Variants in ATXN7L1 observed in about 807,000 individuals in gnomAD.
ATXN7L1 encodes the protein ataxin 7 like 1, also known as ataxin-7-like protein 1.
A neutral mutation model predicts 70.8 loss-of-function variants in ATXN7L1; 15 were observed. That is an observed-to-expected ratio of 0.21 (90% CI 0.14 to 0.33). The LOEUF is 0.33. ATXN7L1 is among the 10% of genes least tolerant of loss of function. The probability of loss-of-function intolerance (pLI) is 1.00; values close to 1 mark genes in which losing one functional copy is unlikely to be tolerated. For synonymous variants in ATXN7L1, 440 were observed against 445.1 expected (o/e 0.99, Z 0.14); for missense variants, 975 against 1,097.1 (o/e 0.89, Z 1.57).
chr7:105,830,674 C>A (rs1811478148), intron 2 of ATXN7L1, among the ~76,000 whole-genome samples: 1 of 152,242 alleles, frequency 6.6e-6, no homozygotes, highest in Non-Finnish European at 1.5e-5. Context: ...ACCCATAAAT[C>A]AACAAATCTC....
In ATXN7L1 at chr7:105,607,678, CT is replaced by C. The variant is rs1792816813; in HGVS notation, c.*173del. The C allele has an allele frequency of 2.4e-5, 14 of 592,058 alleles. No individual in the cohort carries two copies. Among genetic ancestry groups the C allele is most frequent in the Non-Finnish European group, 3.0e-5 (10 of 329,720 alleles). 36.7% of individuals were successfully genotyped at this position (592,058 alleles called of 1,614,324 possible). A position where few individuals can be genotyped will look rare whatever the true frequency, so the allele number is the denominator to read the frequency against. The stretch of plus-strand genomic sequence containing the variant: ...AAATCTCAAATTCACCTTCTTTTGC[CT>C]TTTTAACTAAAAATTGGTCAATTAA... On this transcript the variant is annotated 3_prime_UTR_variant, in exon 12 of 12. Coordinates refer to ENST00000419735, the MANE Select transcript of ATXN7L1 (RefSeq NM_020725.2).
intron 2 of ATXN7L1, among the ~76,000 whole-genome samples, chr7:105,829,358 A>G (rs1811289942): frequency 1.3e-5 from 2 of 152,176 alleles, no homozygotes; most frequent in South Asian, 4.1e-4. Context: ...CAGGAGAATC[A>G]CTTGAACCTG....
Position 105,836,382 on chromosome 7 carries a change from GAA to G in ATXN7L1, c.250+39428_250+39429del, listed in dbSNP as rs140974043. Among the ~76,000 whole-genome samples the G allele has an allele frequency of 0.011, 1,676 of 152,286 alleles. 70 individuals carry two copies. The East Asian group carries it at 0.13, about 12-fold the overall frequency. Reference sequence around the variant, plus strand: ...AACAACCAAAATGACCCAAAGATCAGAAAAACAACCGAACAAATGAGACGAAT... The same window carrying G: ...AACAACCAAAATGACCCAAAGATCAGAAACAACCGAACAAATGAGACGAAT... On this transcript the variant is annotated intron_variant, in intron 2 of 11. Transcript: ENST00000419735.
chr7:105,787,061 T>TACTACC (rs1804409006), intron 3 of ATXN7L1, among the ~76,000 whole-genome samples: 1 of 151,524 alleles, frequency 6.6e-6, no homozygotes, highest in Admixed American at 6.6e-5. Flanking sequence ...CAGCTGGTGG[T>TACTACC]ACCAGCTGAC....
At chr7:105,725,990 C>T (rs886798855) in intron 3 of ATXN7L1, among the ~76,000 whole-genome samples, 1 of 151,096 alleles carries the variant, frequency 6.6e-6, no homozygotes, top group Non-Finnish European at 1.5e-5. Flanking sequence ...CAGCCTCCGC[C>T]TCCTGGGTTC....
chr7:105,836,545 T>C (rs950377001), intron 2 of ATXN7L1, among the ~76,000 whole-genome samples: 1 of 152,158 alleles, frequency 6.6e-6, no homozygotes. Flanking sequence ...CAGGGACAGA[T>C]GGCAAACAAT....
chr7:105,709,543 A>G (rs868720103), intron 3 of ATXN7L1, among the ~76,000 whole-genome samples: 10 of 152,052 alleles, frequency 6.6e-5, no homozygotes, highest in Middle Eastern at 3.2e-3. Context: ...CCAGACCACT[A>G]GACCCCTTCC....
At chr7:105,735,514 C>G (rs571405366) in intron 3 of ATXN7L1, among the ~76,000 whole-genome samples, 1 of 152,172 alleles carries the variant, frequency 6.6e-6, no homozygotes, top group African/African-American at 2.4e-5. Context: ...AGAGACTGGA[C>G]CCAACATTCT....
At position 105,841,612 on chromosome 7, in the gene ATXN7L1, A is replaced by G. The variant is rs193081760; in HGVS notation, c.250+34200T>C. On this transcript the variant is annotated intron_variant, in intron 2 of 11. Transcript: ENST00000419735. ...CACTTAGTAGCGTCTCAGTCATCTG[A>G]TGGAAGGCTGTGGCATCTCGGTGCT... Among the ~76,000 whole-genome samples, 475 of 152,122 alleles carry G rather than the reference A, an allele frequency of 3.1e-3. 3 individuals are homozygous for G. Among genetic ancestry groups the G allele is most frequent in the Non-Finnish European group, 5.4e-3 (366 of 67,996 alleles).
At chr7:105,697,427 T>C (rs964284597) in intron 3 of ATXN7L1, among the ~76,000 whole-genome samples, 1 of 152,186 alleles carries the variant, frequency 6.6e-6, no homozygotes, top group African/African-American at 2.4e-5. Context: ...TGAAAGAAGA[T>C]AAATATGGCT....
At chr7:105,744,588 A>C (rs554978538) in intron 3 of ATXN7L1, among the ~76,000 whole-genome samples, 1 of 152,220 alleles carries the variant, frequency 6.6e-6, no homozygotes, top group South Asian at 2.1e-4. Context: ...CACAAATGCA[A>C]AACCTGAATC....
chr7:105,794,867 T>C (rs1453071661), intron 2 of ATXN7L1, among the ~76,000 whole-genome samples: 1 of 152,244 alleles, frequency 6.6e-6, no homozygotes, highest in Non-Finnish European at 1.5e-5. Flanking sequence ...ATCAGGCTTG[T>C]AGCATTAAAT....
intron 2 of ATXN7L1, among the ~76,000 whole-genome samples, chr7:105,823,928 CTGCT>C (rs1174433312): frequency 1.3e-5 from 2 of 152,078 alleles, no homozygotes; most frequent in Non-Finnish European, 2.9e-5. Context: ...TGAGGGGAGA[CTGCT>C]TGAGAGTCTG....
At chr7:105,695,361 C>T (rs993038908) in intron 3 of ATXN7L1, among the ~76,000 whole-genome samples, 5 of 151,712 alleles carry the variant, frequency 3.3e-5, no homozygotes, top group East Asian at 1.9e-4. Flanking sequence ...GTCTTCATGG[C>T]TTTTCTAGTG....
chr7:105,853,911 C>A (rs998098889), intron 2 of ATXN7L1, among the ~76,000 whole-genome samples: 2 of 152,182 alleles, frequency 1.3e-5, no homozygotes, highest in Admixed American at 6.5e-5. Flanking sequence ...TTCCCACAAG[C>A]GCTTGATGCA....
At chr7:105,691,907 C>G (rs559563526) in intron 3 of ATXN7L1, among the ~76,000 whole-genome samples, 5 of 152,278 alleles carry the variant, frequency 3.3e-5, no homozygotes, top group African/African-American at 1.2e-4. Flanking sequence ...CAGTTGGACA[C>G]CAGAAGTTCA....
intron 3 of ATXN7L1, among the ~76,000 whole-genome samples, chr7:105,748,907 G>A (rs1339360487): frequency 2.6e-5 from 4 of 152,178 alleles, no homozygotes; most frequent in African/African-American, 7.2e-5. Context: ...AACTGCAAAC[G>A]AAAAGAGCTT....
chr7:105,794,568 GA>G (rs1236584499), intron 2 of ATXN7L1, among the ~76,000 whole-genome samples: 4 of 152,166 alleles, frequency 2.6e-5, no homozygotes, highest in Non-Finnish European at 5.9e-5. Context: ...CTATAAAATG[GA>G]AAATTATATT....
chr7:105,725,776 T>A (rs969221782), intron 3 of ATXN7L1, among the ~76,000 whole-genome samples: 10 of 152,126 alleles, frequency 6.6e-5, no homozygotes, highest in African/African-American at 1.9e-4. Flanking sequence ...AGATGGGGTT[T>A]CACCAGGTTG....
Sources: gnomAD v4.1 joint callset for allele counts (sites outside exome capture counted in the v4.1 genomes callset) on GRCh38, gnomAD v4.1.1 for gene constraint, MANE v1.5 for transcripts, NCBI Gene and HGNC (gene_info 2026-07-23, HGNC 2026-07-21) for gene names.